CSMD1: variants seen among roughly 807,000 people sequenced by gnomAD.
The protein encoded by CSMD1 is CUB and Sushi multiple domains 1, also known as CUB and sushi domain-containing protein 1.
CSMD1 carries 213 observed loss-of-function variants against 417.5 expected under a neutral mutation model. That is an observed-to-expected ratio of 0.51 (90% CI 0.46 to 0.57). The LOEUF is 0.57. Among genes scored for constraint, CSMD1 ranks in the 20% least tolerant of loss-of-function variants. CSMD1 has a pLI of 0.00. For synonymous variants in CSMD1, 2,862 were observed against 1,736.8 expected (o/e 1.65, Z -16.11); for missense variants, 6,923 against 4,529.7 (o/e 1.53, Z -15.17).
chr8:4,018,456 A>G (rs1796627225), intron 4 of CSMD1, among the ~76,000 whole-genome samples: 1 of 152,112 alleles, frequency 6.6e-6, no homozygotes, highest in African/African-American at 2.4e-5. Flanking sequence ...GTCTGTCAAC[A>G]CAGCTGTACC....
At chr8:3,776,204 C>T (rs954167718) in intron 5 of CSMD1, among the ~76,000 whole-genome samples, 3 of 152,156 alleles carry the variant, frequency 2.0e-5, no homozygotes, top group Admixed American at 1.3e-4. Context: ...ATCTCAGCAC[C>T]GGAGGGTGCC....
chr8:4,260,037 T>G (rs984680461), intron 3 of CSMD1, among the ~76,000 whole-genome samples: 2 of 142,392 alleles, frequency 1.4e-5, no homozygotes, highest in African/African-American at 5.1e-5. Flanking sequence ...TTTTTTTTTT[T>G]AACACATACT....
At chr8:3,356,694 CA>C (rs138260617) in intron 21 of CSMD1, among the ~76,000 whole-genome samples, 5 of 147,662 alleles carry the variant, frequency 3.4e-5, no homozygotes, top group African/African-American at 5.1e-5. Flanking sequence ...ACAACAACAA[CA>C]AAAAAACGTA....
At chr8:3,349,801 A>C (rs955970743) in intron 21 of CSMD1, among the ~76,000 whole-genome samples, 2 of 142,718 alleles carry the variant, frequency 1.4e-5, no homozygotes, top group South Asian at 2.2e-4. Context: ...ATATCTATAA[A>C]TAGATATAAA....
At chr8:3,810,836 T>C (rs1461014397) in intron 5 of CSMD1, among the ~76,000 whole-genome samples, 1 of 152,154 alleles carries the variant, frequency 6.6e-6, no homozygotes, top group East Asian at 1.9e-4. Flanking sequence ...AATTCAAAGA[T>C]GGGGCCATTG....
intron 33 of CSMD1, among the ~76,000 whole-genome samples, chr8:3,199,474 T>C (rs1257962710): frequency 6.6e-6 from 1 of 152,180 alleles, no homozygotes; most frequent in Non-Finnish European, 1.5e-5. Flanking sequence ...TTTATTCCCT[T>C]CTAGTGCCTG....
At chr8:3,051,439 A>G (rs1387195108) in intron 50 of CSMD1, among the ~76,000 whole-genome samples, 2 of 152,142 alleles carry the variant, frequency 1.3e-5, no homozygotes, top group Non-Finnish European at 2.9e-5. Flanking sequence ...ACTGGGGCCT[A>G]TGGGAGGGTG....
chr8:4,209,103 T>C (rs919250247), intron 3 of CSMD1, among the ~76,000 whole-genome samples: 1 of 152,196 alleles, frequency 6.6e-6, no homozygotes, highest in Non-Finnish European at 1.5e-5. Flanking sequence ...TGCTCGCTGA[T>C]GATTTACAGT....
At chr8:4,831,015 G>T (rs1426033289) in intron 1 of CSMD1, among the ~76,000 whole-genome samples, 2 of 152,164 alleles carry the variant, frequency 1.3e-5, no homozygotes, top group Non-Finnish European at 2.9e-5. Context: ...GCTGCACAAA[G>T]CACTTGGTGA....
intron 5 of CSMD1, among the ~76,000 whole-genome samples, chr8:3,977,528 T>A (rs958364877): frequency 4.6e-5 from 7 of 152,232 alleles, no homozygotes; most frequent in Non-Finnish European, 1.0e-4. Context: ...AGTTTTGGAT[T>A]CTGCTGTTCA....
intron 3 of CSMD1, among the ~76,000 whole-genome samples, chr8:4,213,391 C>T (rs553738939): frequency 2.0e-5 from 3 of 152,252 alleles, no homozygotes; most frequent in Middle Eastern, 3.4e-3. Context: ...TTACATGCTT[C>T]AATCCATCCT....
At chr8:4,626,333 C>G (rs886757813) in intron 2 of CSMD1, among the ~76,000 whole-genome samples, 1 of 151,870 alleles carries the variant, frequency 6.6e-6, no homozygotes, top group Non-Finnish European at 1.5e-5. Context: ...GGGAGCCAGC[C>G]ACACCTTTTT....
chr8:4,443,014 T>C (rs1798572500), intron 2 of CSMD1, among the ~76,000 whole-genome samples: 1 of 152,166 alleles, frequency 6.6e-6, no homozygotes, highest in South Asian at 2.1e-4. Context: ...CCAAAAACAC[T>C]GTCTACTTTA....
chr8:3,444,788 CCAGA>C (rs1319574988), intron 12 of CSMD1, among the ~76,000 whole-genome samples: 1 of 152,108 alleles, frequency 6.6e-6, no homozygotes, highest in Admixed American at 6.6e-5. Context: ...AACTTTGCCA[CCAGA>C]CAACCAAATA....
chr8:4,815,387 T>C (rs960580577), intron 1 of CSMD1, among the ~76,000 whole-genome samples: 1 of 152,088 alleles, frequency 6.6e-6, no homozygotes, highest in South Asian at 2.1e-4. Context: ...CATGTGGGGC[T>C]ACTGTACTGC....
At chr8:4,750,391 G>A (rs376085264) in intron 1 of CSMD1, among the ~76,000 whole-genome samples, 2 of 152,100 alleles carry the variant, frequency 1.3e-5, no homozygotes, top group Admixed American at 1.3e-4. Flanking sequence ...GGGTTATCAA[G>A]ATTCAATTTC....
chr8:4,976,623 G>T (rs898258406), intron 1 of CSMD1, among the ~76,000 whole-genome samples: 1 of 152,142 alleles, frequency 6.6e-6, no homozygotes, highest in Admixed American at 6.5e-5. Flanking sequence ...AGCACATTGT[G>T]TGCTAAACTC....
intron 3 of CSMD1, among the ~76,000 whole-genome samples, chr8:4,155,029 G>T (rs1218346812): frequency 6.6e-6 from 1 of 152,188 alleles, no homozygotes; most frequent in Admixed American, 6.5e-5. Context: ...CCTCATCACA[G>T]AACCTAACAC....
intron 25 of CSMD1, among the ~76,000 whole-genome samples, chr8:3,290,739 G>T (rs551955775): frequency 6.8e-6 from 1 of 146,926 alleles, no homozygotes; most frequent in East Asian, 2.0e-4. Context: ...AGACAATGGG[G>T]TTTTCTAGAT....
Sources: allele counts gnomAD v4.1 joint callset (sites outside exome capture counted in the v4.1 genomes callset), GRCh38; gene constraint gnomAD v4.1.1; transcripts MANE v1.5; gene names NCBI Gene and HGNC (gene_info 2026-07-23, HGNC 2026-07-21).